Variants in GALNT14 observed in about 807,000 individuals in gnomAD.
The protein encoded by GALNT14 is UDP-GalNAc:polypeptide N-acetylgalactosaminyltransferase 14.
In GALNT14, 60 loss-of-function variants were observed where a neutral mutation model predicts 77.5. The ratio of observed to expected loss-of-function variants is 0.77; its 90% CI spans 0.63 to 0.96. The LOEUF (loss-of-function observed/expected upper bound fraction) is 0.96. Among genes scored for constraint, GALNT14 ranks in the 40% least tolerant of loss-of-function variants. The pLI, the probability that GALNT14 is intolerant of heterozygous loss-of-function variation, is 0.00. For synonymous variants in GALNT14, 280 were observed against 281.7 expected (o/e 0.99, Z 0.06); for missense variants, 710 against 731.0 (o/e 0.97, Z 0.33).
At position 31,120,019 on chromosome 2, in the gene GALNT14, G is replaced by A. The variant is rs553771103; in HGVS notation, c.129+17939C>T. Among the ~76,000 whole-genome samples the A allele has an allele frequency of 6.5e-5, 8 of 123,746 alleles. 1 individual carries two copies. The South Asian group carries it at 1.9e-3, about 29-fold the overall frequency. 81.2% of individuals were successfully genotyped at this position (123,746 alleles called of 152,430 possible). ...AAAATACAAAAAATTAGCCGGGCGT[G>A]GTAGCGGGCGCCTGTAGTCCCAGCT... On this transcript the variant is annotated intron_variant, in intron 1 of 14. Coordinates refer to ENST00000349752, the MANE Select transcript of GALNT14 (RefSeq NM_024572.4).
chr2:30,932,592 G>A (rs1193781213), intron 9 of GALNT14, among the ~76,000 whole-genome samples: 1 of 152,222 alleles, frequency 6.6e-6, no homozygotes, highest in Admixed American at 6.5e-5. Flanking sequence ...TGATCCCAGA[G>A]GGTTAGAGTC....
chr2:31,121,796 C>T (rs1430285395), intron 1 of GALNT14, among the ~76,000 whole-genome samples: 3 of 152,032 alleles, frequency 2.0e-5, no homozygotes, highest in African/African-American at 7.2e-5. Context: ...CGTAGAGGTG[C>T]TAGGATAATG....
At chr2:30,989,037 CT>C (rs1489137309) in intron 2 of GALNT14, among the ~76,000 whole-genome samples, 1 of 152,140 alleles carries the variant, frequency 6.6e-6, no homozygotes, top group Non-Finnish European at 1.5e-5. Flanking sequence ...TAACAAGATC[CT>C]CAGAGGGGTT....
the GALNT14 span, among the ~76,000 whole-genome samples, chr2:30,897,620 C>T: frequency 2.6e-5 from 4 of 152,226 alleles, no homozygotes; most frequent in Non-Finnish European, 4.4e-5. Context: ...CCTCCAGGTC[C>T]TTTTGTGGTG....
At chr2:31,075,240 C>G (rs1675689474) in intron 1 of GALNT14, among the ~76,000 whole-genome samples, 1 of 152,322 alleles carries the variant, frequency 6.6e-6, no homozygotes, top group Non-Finnish European at 1.5e-5. Flanking sequence ...AGGTCCTCGC[C>G]TGAAGTAGAT....
At chr2:30,925,912 T>C (rs1443858845) in intron 11 of GALNT14, among the ~76,000 whole-genome samples, 3 of 152,126 alleles carry the variant, frequency 2.0e-5, no homozygotes, top group African/African-American at 4.8e-5. Context: ...GTGCTGATCA[T>C]GCTTTCAAAC....
chr2:30,978,328 G>A (rs1269848920), intron 2 of GALNT14, among the ~76,000 whole-genome samples: 3 of 152,178 alleles, frequency 2.0e-5, no homozygotes, highest in African/African-American at 7.2e-5. Flanking sequence ...AAATCACTGT[G>A]CCATCTTCCT....
At chr2:31,030,345 A>G (rs960105233) in intron 1 of GALNT14, among the ~76,000 whole-genome samples, 12 of 152,338 alleles carry the variant, frequency 7.9e-5, no homozygotes, top group African/African-American at 2.6e-4. Flanking sequence ...GATGGAAAAA[A>G]AAATCAAGGC....
chr2:31,028,816 T>C (rs527460975), intron 1 of GALNT14, among the ~76,000 whole-genome samples: 2 of 152,268 alleles, frequency 1.3e-5, no homozygotes, highest in South Asian at 4.2e-4. Context: ...AAGGTGGTAT[T>C]TCATTGGCAT....
intron 5 of GALNT14, 47 bp from the exon 6 acceptor site, chr2:30,955,786 T>C (rs1364143858): frequency 6.2e-7 from 1 of 1,611,606 alleles, no homozygotes; most frequent in Non-Finnish European, 8.5e-7. Flanking sequence ...GTCACTCCAT[T>C]GTCCAGCGAG....
chr2:31,007,339 T>C (rs1156926907), intron 1 of GALNT14, among the ~76,000 whole-genome samples: 1 of 152,200 alleles, frequency 6.6e-6, no homozygotes, highest in African/African-American at 2.4e-5. Flanking sequence ...TTAGATGAAC[T>C]ATCAGAATGG....
chr2:30,921,436 C>T (rs544858721), intron 13 of GALNT14, among the ~76,000 whole-genome samples: 7 of 152,320 alleles, frequency 4.6e-5, no homozygotes, highest in East Asian at 1.9e-4. Flanking sequence ...CAGGCAGTCA[C>T]GCCTTAAGCA....
At chr2:31,062,050 A>AT (rs780835610) in intron 1 of GALNT14, among the ~76,000 whole-genome samples, 10 of 152,058 alleles carry the variant, frequency 6.6e-5, no homozygotes, top group African/African-American at 1.9e-4. Context: ...AGTCATACTA[A>AT]TTTTTTTTAT....
rs549552705 is a variant in GALNT14 at position 30,927,130 on chromosome 2, G to A, written c.1151+2265C>T. 8.1e-4 allele frequency among the ~76,000 whole-genome samples: 123 copies of A among 152,302 alleles called. 1 individual carries two copies. In the South Asian group the frequency reaches 0.024, roughly 30 times the overall value. ...CGGAGGGCAAAGCCCCCTAAGGAGT[G>A]TGGTTCCCAAACTTGTCCCCATGTT... On this transcript the variant is annotated intron_variant, in intron 11 of 14. Coordinates refer to ENST00000349752, the MANE Select transcript of GALNT14 (RefSeq NM_024572.4).
chr2:30,954,688 T>C (rs1266925045), intron 6 of GALNT14, among the ~76,000 whole-genome samples: 1 of 152,180 alleles, frequency 6.6e-6, no homozygotes, highest in Non-Finnish European at 1.5e-5. Context: ...AACAATGTCA[T>C]TATGCAGGTA....
At chr2:31,028,991 G>C (rs1457708880) in intron 1 of GALNT14, among the ~76,000 whole-genome samples, 2 of 152,116 alleles carry the variant, frequency 1.3e-5, no homozygotes, top group East Asian at 3.9e-4. Flanking sequence ...ACATTTATTA[G>C]CAGTTCTCAG....
intron 13 of GALNT14, among the ~76,000 whole-genome samples, chr2:30,919,897 G>A (rs1002570856): frequency 6.6e-6 from 1 of 152,136 alleles, no homozygotes; most frequent in African/African-American, 2.4e-5. Context: ...ATAACATAAG[G>A]GAGGGGACTA....
intron 1 of GALNT14, among the ~76,000 whole-genome samples, chr2:31,111,500 G>A (rs976442251): frequency 3.3e-5 from 5 of 152,242 alleles, no homozygotes; most frequent in Admixed American, 6.5e-5. Context: ...GTTTAACTAG[G>A]GATACTTTCC....
At chr2:30,892,048 C>T in the GALNT14 span, among the ~76,000 whole-genome samples, 1 of 152,156 alleles carries the variant, frequency 6.6e-6, no homozygotes, top group East Asian at 1.9e-4. Context: ...AATGAAAAGG[C>T]CAGATCACCT....
Sources: gnomAD v4.1 joint callset for allele counts (sites outside exome capture counted in the v4.1 genomes callset) on GRCh38, gnomAD v4.1.1 for gene constraint, MANE v1.5 for transcripts, NCBI Gene and HGNC (gene_info 2026-07-23, HGNC 2026-07-21) for gene names.